The following GOLGA8M variants were observed in gnomAD, a reference collection of about 807,000 sequenced individuals.
The protein encoded by GOLGA8M is golgin subfamily A member 8M.
In GOLGA8M, 34 loss-of-function variants were observed where a neutral mutation model predicts 87.7. That is an observed-to-expected ratio of 0.39 (90% CI 0.29 to 0.52). The LOEUF (loss-of-function observed/expected upper bound fraction) is 0.52, where lower values mean the gene tolerates loss of function less well. Ranked by LOEUF, GOLGA8M falls within the 20% of genes least tolerant of loss-of-function variation. The probability of loss-of-function intolerance (pLI) is 0.80; values close to 1 mark genes in which losing one functional copy is unlikely to be tolerated. For missense variants in GOLGA8M, 396 were observed against 682.2 expected (o/e 0.58, Z 4.67); for synonymous variants, 138 against 250.2 (o/e 0.55, Z 4.23).
rs1170998218 is a variant in GOLGA8M, at chr15:28,701,014, G to T, written c.*940C>A. On this transcript the variant is annotated 3_prime_UTR_variant, in exon 19 of 19. Transcript: ENST00000563027. ...TGTGTACTGGGACATGTAGTCATGC[G>T]ATTAAAACAGGTAACATGAACTCTG... Among the ~76,000 whole-genome samples the T allele has an allele frequency of 2.0e-5, 3 of 152,108 alleles. No individual in the cohort carries two copies. Among genetic ancestry groups the T allele is most frequent in the African/African-American group, 7.2e-5 (3 of 41,430 alleles).
chr15:28,702,622 C>G, intron 16 of GOLGA8M, 23 bp downstream of exon 16: 1 of 1,610,390 alleles, frequency 6.2e-7, no homozygotes, highest in Non-Finnish European at 8.5e-7. Context: ...GCTCCCCCTG[C>G]CGTGCCCTGG....
intron 2 of GOLGA8M, 37 bp downstream of exon 2, chr15:28,710,449 GC>G: frequency 1.7e-6 from 2 of 1,144,142 alleles, no homozygotes; most frequent in Non-Finnish European, 2.5e-6. Context: ...TGCCCCTTGG[GC>G]CCCCTGTCCC....
At position 28,702,549 on chromosome 15, in the gene GOLGA8M, G is replaced by T. The variant is rs1254389551; in HGVS notation, c.1483C>A (p.Leu495Ile). The stretch of plus-strand genomic sequence containing the variant: ...GCACGGCCCCCTGGTTCTGATAAAA[G>T]GTGATGGATTTTCCTGCGGGAGGAC... ...QERCHQKIHH[L>I]LSEPGGRAKD... Residue 495 changes from leucine (L) to isoleucine (I), a missense_variant, in exon 17 of 19, where the codon CTT becomes ATT. Around this residue, in one of 12 missense-constraint regions of GOLGA8M, gnomAD observed 173 missense variants for 150.2 expected, o/e 1.15. Coordinates refer to ENST00000563027, the MANE Select transcript of GOLGA8M (RefSeq NM_001282468.3). 3.9e-5 allele frequency: 62 copies of T among 1,605,746 alleles called. No individual in the cohort carries two copies. The highest frequency in any genetic ancestry group is 4.7e-5 in the Non-Finnish European group (56 of 1,179,690).
chr15:28,704,021 G>A lies in GOLGA8M; in HGVS notation c.1201-104C>T. The A allele has an allele frequency of 2.6e-6, 4 of 1,556,000 alleles. No homozygotes were observed. The South Asian group carries it at 3.4e-5, about 13-fold the overall frequency. On this transcript the variant is annotated intron_variant, in intron 13 of 18. Transcript: ENST00000563027. Reference sequence around the variant, plus strand: ...TCCCCTGGGTCTCCTGCAACTTTTGGCAGGCCATATCGGCCACCGCTTTGC... The same window carrying A: ...TCCCCTGGGTCTCCTGCAACTTTTGACAGGCCATATCGGCCACCGCTTTGC...
rs200857339 is a variant in GOLGA8M at position 28,702,062 on chromosome 15, C to G, written c.1791G>C (p.Lys597Asn). ...GEAREDPLLD[K>N]PTAQPIVQDH... ...CCTGCACGATCGGCTGTGCAGTAGG[C>G]TTGTCAAGGAGAGGATCCTCCCTGG... is the stretch of plus-strand genomic sequence containing the variant. Residue 597 changes from lysine (K) to asparagine (N), a missense_variant, in exon 19 of 19, where the codon AAG (lysine) becomes AAC (asparagine). Lys to Asn is a moderately conservative substitution (Grantham distance 94, BLOSUM62 0). This residue lies in a region of GOLGA8M where 35 missense variants were observed against 61.4 expected (regional missense o/e 0.57). Transcript: ENST00000563027. The G allele has an allele frequency of 3.0e-3, 4,713 of 1,593,062 alleles. 7 individuals carry two copies. Among genetic ancestry groups the G allele is most frequent in the Non-Finnish European group, 3.5e-3 (4,128 of 1,177,840 alleles).
chr15:28,712,690 A>G (rs563035176), upstream of GOLGA8M, among the ~76,000 whole-genome samples: 14 of 152,034 alleles, frequency 9.2e-5, no homozygotes, highest in Non-Finnish European at 8.8e-5. Flanking sequence ...TAAAAAATAT[A>G]TGTGTGTATA....
In GOLGA8M at chr15:28,702,312, C is replaced by A. The variant is rs2079815148; in HGVS notation, c.1625G>T (p.Gly542Val). 2 of 1,532,026 alleles carry A rather than the reference C, an allele frequency of 1.3e-6. No homozygotes were observed. Among genetic ancestry groups the A allele is most frequent in the Non-Finnish European group, 1.7e-6 (2 of 1,147,590 alleles). The allele number at this position is 1,532,026 out of a possible 1,614,324, so 94.9% of individuals were successfully genotyped here. ...GIAAYSNYNNGHRKFLAAAHN... is the reference protein window; with the variant it reads ...GIAAYSNYNNVHRKFLAAAHN... The stretch of plus-strand genomic sequence containing the variant: ...GGCAGCGGCCAGGAATTTTCTGTGC[C>A]CATTGTTGTAGTTGCTGTAAGCCGC... Residue 542 changes from glycine to valine, a missense_variant, in exon 18 of 19, where the codon GGG (glycine) becomes GTG (valine). Physicochemically the swap from Gly to Val is moderately radical, Grantham distance 109 (BLOSUM62 -3). This residue lies in a region of GOLGA8M where 173 missense variants were observed against 150.2 expected (regional missense o/e 1.15). Transcript: ENST00000563027.
At position 28,702,580 on chromosome 15, in the gene GOLGA8M, T is replaced by G. The variant is rs565067275; in HGVS notation, c.1470-18A>C. 3.1e-6 allele frequency: 5 copies of G among 1,609,096 alleles called. No homozygotes were observed. The Admixed American group carries it at 5.0e-5, about 16-fold the overall frequency. ...GGATTTTCCTGCGGGAGGACGGGGC[T>G]CAGACGCTGGGGCCCCTCCGACGGT... On this transcript the variant is annotated intron_variant, in intron 16 of 18. Coordinates refer to ENST00000563027, the MANE Select transcript of GOLGA8M (RefSeq NM_001282468.3).
Position 28,701,783 on chromosome 15 carries a change from C to T in GOLGA8M, c.*171G>A, listed in dbSNP as rs985363954. Among the ~76,000 whole-genome samples the T allele has an allele frequency of 2.4e-3, 364 of 151,800 alleles. No homozygotes were observed. Among genetic ancestry groups the T allele is most frequent in the African/African-American group, 8.5e-3 (352 of 41,346 alleles). On this transcript the variant is annotated 3_prime_UTR_variant, in exon 19 of 19. Coordinates refer to ENST00000563027, the MANE Select transcript of GOLGA8M (RefSeq NM_001282468.3). ...AACATCAGTGAGAGCCACAGACACC[C>T]ACTCTCTTTTAACTTTTTACAAATA...
rs1275937513 is a variant in GOLGA8M at position 28,701,346 on chromosome 15, G to C, written c.*608C>G. ...TGAGATTTAAAAAGCTCCCCCAAAAGGTTTCACTCCCATCACCAATACACA... is the reference window on the plus strand; with the variant it reads ...TGAGATTTAAAAAGCTCCCCCAAAACGTTTCACTCCCATCACCAATACACA... On this transcript the variant is annotated 3_prime_UTR_variant, in exon 19 of 19. Transcript: ENST00000563027. 6.6e-6 allele frequency among the ~76,000 whole-genome samples: 1 copy of C among 151,528 alleles called. No homozygotes were observed.
chr15:28,700,897 C>T lies in GOLGA8M; in HGVS notation c.*1057G>A, dbSNP rs1410912911. On this transcript the variant is annotated 3_prime_UTR_variant, in exon 19 of 19. Coordinates refer to ENST00000563027, the MANE Select transcript of GOLGA8M (RefSeq NM_001282468.3). ...ACTCTAATTCATTCTTGACTAGAGC[C>T]TGTATGCCTGTTCCAGGGACGTTTG... Among the ~76,000 whole-genome samples the T allele has an allele frequency of 6.6e-6, 1 of 152,038 alleles. No individual in the cohort carries two copies. Among genetic ancestry groups the T allele is most frequent in the Non-Finnish European group, 1.5e-5 (1 of 68,028 alleles).
intron 1 of GOLGA8M, 99 bp downstream of exon 1, chr15:28,712,177 T>C (rs1410694489): frequency 3.3e-6 from 5 of 1,537,284 alleles, no homozygotes; most frequent in Non-Finnish European, 4.4e-6. Context: ...GGGGGACCAG[T>C]CCAGTGTGCC....
chr15:28,710,208 C>T (rs1352788294), intron 2 of GOLGA8M, among the ~76,000 whole-genome samples: 9 of 148,108 alleles, frequency 6.1e-5, no homozygotes, highest in African/African-American at 2.2e-4. Flanking sequence ...TTCTGAGTAG[C>T]TGGGACTACA....
At position 28,702,678 on chromosome 15, in the gene GOLGA8M, C is replaced by G; in HGVS notation, c.1436G>C (p.Arg479Pro). The change falls in exon 16 of 19, where the codon CGC becomes CCC. Residue 479 changes from arginine to proline, a missense_variant. By Grantham distance (103) the Arg-to-Pro change is moderately radical (BLOSUM62 -2). This residue lies in a region of GOLGA8M where 173 missense variants were observed against 150.2 expected (regional missense o/e 1.15). Coordinates refer to ENST00000563027, the MANE Select transcript of GOLGA8M (RefSeq NM_001282468.3). ...LSELVKKQEL[R>P]FIQYWQERCH... ...TCTCTCTTGCCAGTATTGAATGAAG[C>G]GAAGTTCTTGTTTCTTCACAAGCTC... The G allele has an allele frequency of 6.2e-7, 1 of 1,606,704 alleles. No individual in the cohort carries two copies. The highest frequency in any genetic ancestry group is 1.1e-5 in the South Asian group (1 of 90,822).
Position 28,701,377 on chromosome 15 carries a change from T to C in GOLGA8M, c.*577A>G, listed in dbSNP as rs1312220829. 6.6e-6 allele frequency among the ~76,000 whole-genome samples: 1 copy of C among 151,432 alleles called. No individual in the cohort carries two copies. Among genetic ancestry groups the C allele is most frequent in the Non-Finnish European group, 1.5e-5 (1 of 67,994 alleles). On this transcript the variant is annotated 3_prime_UTR_variant, in exon 19 of 19. Coordinates refer to ENST00000563027, the MANE Select transcript of GOLGA8M (RefSeq NM_001282468.3). ...ACTCCCATCACCAATACACAGAAAA[T>C]GGAGGAAAGGCTGTTTCCAGTTCTT...
chr15:28,711,489 G>T (rs1372427904), intron 1 of GOLGA8M: 1 of 984,870 alleles, frequency 1.0e-6, no homozygotes, highest in Non-Finnish European at 1.2e-6. Flanking sequence ...TCAATGTTTT[G>T]AGTTCATGGG....
rs1040289300 is a variant in GOLGA8M at position 28,699,335 on chromosome 15, A to G, written c.*2619T>C. ...TTCTGTGTTTCTGATGAACTCTAAC[A>G]TTCCAATGTTGCCTTCTAAGCAAAC... On this transcript the variant is annotated 3_prime_UTR_variant, in exon 19 of 19. Transcript: ENST00000563027. 3.3e-5 allele frequency among the ~76,000 whole-genome samples: 5 copies of G among 149,290 alleles called. No homozygotes were observed. Among genetic ancestry groups the G allele is most frequent in the Non-Finnish European group, 7.4e-5 (5 of 67,962 alleles).
chr15:28,702,591 G>A (rs1166321258), intron 16 of GOLGA8M, 29 bp from the exon 17 acceptor site: 1 of 1,609,630 alleles, frequency 6.2e-7, no homozygotes, highest in African/African-American at 1.3e-5. Flanking sequence ...CAGACGCTGG[G>A]GCCCCTCCGA....
At chr15:28,711,229 G>C (rs556530562) in intron 1 of GOLGA8M, among the ~76,000 whole-genome samples, 1 of 152,116 alleles carries the variant, frequency 6.6e-6, no homozygotes, top group Non-Finnish European at 1.5e-5. Context: ...GGCACTCAAA[G>C]TACCCAAAGT....
Sources: gnomAD v4.1 joint callset for allele counts (sites outside exome capture counted in the v4.1 genomes callset) on GRCh38, gnomAD v4.1.1 for gene constraint, gnomAD v4.1.1 regional missense constraint, MANE v1.5 for transcripts, NCBI Gene and HGNC (gene_info 2026-07-23, HGNC 2026-07-21) for gene names.